ADGB: variants seen among roughly 807,000 people sequenced by gnomAD.
ADGB encodes calpain-7-like protein.
In ADGB, 172 loss-of-function variants were observed where a neutral mutation model predicts 210.5. The observed-to-expected ratio is 0.82, with a 90% CI of 0.72 to 0.93. The LOEUF is 0.93. ADGB is among the 40% of genes least tolerant of loss of function. ADGB has a pLI of 0.00. For synonymous variants in ADGB, 658 were observed against 662.7 expected (o/e 0.99, Z 0.11); for missense variants, 2,025 against 1,964.8 (o/e 1.03, Z -0.58).
rs1461687924 is a variant in ADGB at position 146,690,214 on chromosome 6, A to G, written c.1312-902A>G. On this transcript the variant is annotated intron_variant, in intron 10 of 35. Transcript: ENST00000397944. Reference sequence around the variant, plus strand: ...TCCAGTTGAAGTAATAATTTGGAATAGGCTGATAAGTGGGTTTCTGGTTCT... The same window carrying G: ...TCCAGTTGAAGTAATAATTTGGAATGGGCTGATAAGTGGGTTTCTGGTTCT... Among the ~76,000 whole-genome samples, 3 of 152,172 alleles carry G rather than the reference A, an allele frequency of 2.0e-5. No individual in the cohort carries two copies. The East Asian group carries it at 5.8e-4, about 29-fold the overall frequency.
intron 33 of ADGB, among the ~76,000 whole-genome samples, chr6:146,800,845 G>T (rs80159909): frequency 0.048 from 7,362 of 152,154 alleles, 622 homozygotes; most frequent in African/African-American, 0.17. Context: ...CATTTAACTT[G>T]TTTGTAATGA....
At chr6:146,725,998 T>A (rs1776889470) in intron 18 of ADGB, 85 bp from the exon 19 acceptor site, 1 of 755,576 alleles carries the variant, frequency 1.3e-6, no homozygotes, top group Non-Finnish European at 2.2e-6. Flanking sequence ...TTCATTTGAG[T>A]TCCAAAGTGT....
At chr6:146,670,645 A>G (rs1775993493) in intron 7 of ADGB, among the ~76,000 whole-genome samples, 1 of 152,150 alleles carries the variant, frequency 6.6e-6, no homozygotes, top group Non-Finnish European at 1.5e-5. Flanking sequence ...CATGGAAGTT[A>G]TCACTGTTGT....
At position 146,752,713 on chromosome 6, in the gene ADGB, G is replaced by T; in HGVS notation, c.3549G>T (p.Gln1183His). 1 of 1,547,818 alleles carries T rather than the reference G, an allele frequency of 6.5e-7. No homozygotes were observed. The highest frequency in any genetic ancestry group is 8.7e-7 in the Non-Finnish European group (1 of 1,145,216). The change falls in exon 27 of 36, where the codon CAG (glutamine) becomes CAT (histidine). Residue 1183 changes from glutamine (Q) to histidine (H), a missense_variant and splice_region_variant. Physicochemically the swap from Gln to His is conservative, Grantham distance 24 (BLOSUM62 0). Coordinates refer to ENST00000397944, the MANE Select transcript of ADGB (RefSeq NM_024694.4). ...FLKSEKGLSS[Q>H]SSKHILSFHS... ...AGAGTGAGAAAGGTTTGAGCTCCCAGTGTAAGTGTACCTTTATGAACAGGA... is the reference window on the plus strand; with the variant it reads ...AGAGTGAGAAAGGTTTGAGCTCCCATTGTAAGTGTACCTTTATGAACAGGA...
chr6:146,781,210 G>A (rs978270255), intron 29 of ADGB, among the ~76,000 whole-genome samples: 4 of 150,708 alleles, frequency 2.7e-5, no homozygotes, highest in Admixed American at 2.6e-4. Flanking sequence ...GGGCGTGGTG[G>A]CGGGCACCTG....
At chr6:146,615,458 T>C (rs574044478) in intron 1 of ADGB, among the ~76,000 whole-genome samples, 1 of 152,328 alleles carries the variant, frequency 6.6e-6, no homozygotes, top group Admixed American at 6.5e-5. Context: ...ATTTTCTCTT[T>C]CTGCTATTTT....
In ADGB at chr6:146,740,509, A is replaced by C. The variant is rs1777149890; in HGVS notation, c.2939A>C (p.Gln980Pro). Residue 980 changes from glutamine (Q) to proline (P), a missense_variant, in exon 24 of 36, where the codon CAA becomes CCA. By Grantham distance (76) the Gln-to-Pro change is moderately conservative (BLOSUM62 -1). Coordinates refer to ENST00000397944, the MANE Select transcript of ADGB (RefSeq NM_024694.4). ...CKSLESYPCY[Q>P]DEETKIAFAD... ...TCTTTGGAATCTTATCCATGCTATCAAGATGAAGAAACTAAGATTGCTTTT... is the reference window on the plus strand; with the variant it reads ...TCTTTGGAATCTTATCCATGCTATCCAGATGAAGAAACTAAGATTGCTTTT... 3 of 1,549,268 alleles carry C rather than the reference A, an allele frequency of 1.9e-6. No homozygotes were observed. Among genetic ancestry groups the C allele is most frequent in the Non-Finnish European group, 2.6e-6 (3 of 1,145,200 alleles).
intron 20 of ADGB, among the ~76,000 whole-genome samples, chr6:146,731,896 T>C (rs1188388109): frequency 6.6e-6 from 1 of 152,060 alleles, no homozygotes; most frequent in Non-Finnish European, 1.5e-5. Context: ...TGCAAATGGG[T>C]CATGTCAGAT....
At chr6:146,672,839 G>A (rs776170913) in intron 8 of ADGB, among the ~76,000 whole-genome samples, 14 of 150,546 alleles carry the variant, frequency 9.3e-5, no homozygotes, top group South Asian at 2.1e-4. Context: ...CAAGTGATTC[G>A]CCTGCCTCAG....
At chr6:146,759,432 T>C (rs544591635) in intron 27 of ADGB, among the ~76,000 whole-genome samples, 1 of 151,930 alleles carries the variant, frequency 6.6e-6, no homozygotes, top group South Asian at 2.1e-4. Flanking sequence ...AATTTTAAAA[T>C]TTGTAATTTG....
chr6:146,608,484 C>T (rs1172432771), intron 1 of ADGB, among the ~76,000 whole-genome samples: 4 of 152,086 alleles, frequency 2.6e-5, no homozygotes, highest in East Asian at 1.9e-4. Context: ...ATGTGAGAAG[C>T]GTCTAACTTT....
At chr6:146,673,174 C>A (rs561385815) in intron 8 of ADGB, among the ~76,000 whole-genome samples, 1 of 152,318 alleles carries the variant, frequency 6.6e-6, no homozygotes, top group South Asian at 2.1e-4. Flanking sequence ...CAAAGCATAA[C>A]AATAATTATC....
At chr6:146,621,286 C>T (rs1313802946) in intron 1 of ADGB, among the ~76,000 whole-genome samples, 1 of 152,086 alleles carries the variant, frequency 6.6e-6, no homozygotes, top group Non-Finnish European at 1.5e-5. Flanking sequence ...ACTGGCCAGT[C>T]TCTTTAATGT....
intron 1 of ADGB, among the ~76,000 whole-genome samples, chr6:146,600,720 T>G (rs1583553972): frequency 3.5e-4 from 1 of 2,834 alleles, no homozygotes; most frequent in African/African-American, 5.6e-4. Context: ...AAAAACTACA[T>G]TTTTTTTTTT....
intron 27 of ADGB, among the ~76,000 whole-genome samples, chr6:146,754,444 T>C (rs1029731894): frequency 6.6e-6 from 1 of 151,834 alleles, no homozygotes; most frequent in African/African-American, 2.4e-5. Context: ...ATGCTTTTTC[T>C]TCTAGCTTTG....
At chr6:146,732,731 AT>A (rs1479955858) in intron 20 of ADGB, among the ~76,000 whole-genome samples, 2 of 152,198 alleles carry the variant, frequency 1.3e-5, no homozygotes, top group Non-Finnish European at 2.9e-5. Context: ...ACATATTTTC[AT>A]TTTATGTAGC....
intron 33 of ADGB, among the ~76,000 whole-genome samples, chr6:146,795,359 TAAAC>T (rs777703491): frequency 2.6e-5 from 4 of 152,040 alleles, no homozygotes; most frequent in Non-Finnish European, 4.4e-5. Flanking sequence ...ATCAACAGAG[TAAAC>T]AAACAACCTA....
At position 146,687,347 on chromosome 6, in the gene ADGB, G is replaced by A. The variant is rs565160408; in HGVS notation, c.1311+1519G>A. ...CTGGCCTACGTGCTGTCTCAGATAT[G>A]CTAGCGAGTAAATGCTCTAACTCAT... On this transcript the variant is annotated intron_variant, in intron 10 of 35. Transcript: ENST00000397944. Among the ~76,000 whole-genome samples the A allele has an allele frequency of 3.7e-4, 56 of 152,158 alleles. 1 individual carries two copies. Among genetic ancestry groups the A allele is most frequent in the South Asian group, 2.7e-3 (13 of 4,824 alleles).
At chr6:146,747,187 T>G (rs1027696980) in intron 26 of ADGB, among the ~76,000 whole-genome samples, 2 of 152,226 alleles carry the variant, frequency 1.3e-5, no homozygotes, top group African/African-American at 4.8e-5. Context: ...TAACAATGTG[T>G]TGTTATTCAA....
Sources: gnomAD v4.1 joint callset for allele counts (sites outside exome capture counted in the v4.1 genomes callset) on GRCh38, gnomAD v4.1.1 for gene constraint, MANE v1.5 for transcripts, NCBI Gene and HGNC (gene_info 2026-07-23, HGNC 2026-07-21) for gene names.